DHX34: variants seen among roughly 807,000 people sequenced by gnomAD.
DHX34 encodes the protein probable ATP-dependent RNA helicase DHX34.
In DHX34, 96 loss-of-function variants were observed where a neutral mutation model predicts 111.1. The ratio of observed to expected loss-of-function variants is 0.86; its 90% CI spans 0.73 to 1.02. The LOEUF is 1.02. DHX34 is among the 50% of genes least tolerant of loss of function. The pLI, the probability that DHX34 is intolerant of heterozygous loss-of-function variation, is 0.00. For synonymous variants in DHX34, 688 were observed against 670.4 expected (o/e 1.03, Z -0.41); for missense variants, 1,560 against 1,579.9 (o/e 0.99, Z 0.21).
In DHX34 at chr19:47,353,804, T is replaced by C. The variant is rs1347740798; in HGVS notation, c.705+69T>C. ...TGGGGGAATAGGTTGCTTGTCCATA[T>C]GGCAGTATCAATAAAAATGAAGCAC... is the stretch of plus-strand genomic sequence containing the variant. On this transcript the variant is annotated intron_variant, in intron 2 of 16. Coordinates refer to ENST00000328771, the MANE Select transcript of DHX34 (RefSeq NM_014681.6). This position sits in a 1 kb window ranked among gnomAD's most constrained non-coding sequence, Gnocchi z 4.6. The C allele has an allele frequency of 3.5e-5, 48 of 1,363,406 alleles. No homozygotes were observed. Among genetic ancestry groups the C allele is most frequent in the Non-Finnish European group, 4.1e-5 (42 of 1,028,202 alleles). The allele number at this position is 1,363,406 out of a possible 1,614,324, so 84.5% of individuals were successfully genotyped here.
rs73940809 is a variant in DHX34 at position 47,356,086 on chromosome 19, G to C, written c.1017+736G>C. 2.3e-3 allele frequency among the ~76,000 whole-genome samples: 354 copies of C among 152,176 alleles called. 2 individuals carry two copies. The highest frequency in any genetic ancestry group is 8.3e-3 in the African/African-American group (343 of 41,512). On this transcript the variant is annotated intron_variant, in intron 3 of 16. Transcript: ENST00000328771. ...TGTCGTGGGGGCTGTCCTGTGCATT[G>C]TAGGATATCTAGCAGCATCCCTGGC... is the stretch of plus-strand genomic sequence containing the variant.
chr19:47,365,667 C>T (rs1034408657), intron 6 of DHX34, among the ~76,000 whole-genome samples: 1 of 152,214 alleles, frequency 6.6e-6, no homozygotes, highest in African/African-American at 2.4e-5. Flanking sequence ...CTAGTGCCCT[C>T]GGATCAAAGC....
At chr19:47,365,357 T>C (rs1969759798) in intron 6 of DHX34, among the ~76,000 whole-genome samples, 2 of 151,960 alleles carry the variant, frequency 1.3e-5, no homozygotes, top group Admixed American at 1.3e-4. Context: ...GCTCAAGTGG[T>C]TCTCCTGCCT....
At chr19:47,381,090 G>A (rs552137993) in intron 15 of DHX34, 96 bp from the exon 16 acceptor site, 1,094 of 1,561,712 alleles carry the variant, frequency 7.0e-4, no homozygotes, top group Non-Finnish European at 9.0e-4. Context: ...AGTGGGGCCC[G>A]TGGCCCTGAG....
At chr19:47,369,708 C>T (rs769085596) in intron 7 of DHX34, among the ~76,000 whole-genome samples, 1 of 152,082 alleles carries the variant, frequency 6.6e-6, no homozygotes, top group Non-Finnish European at 1.5e-5. Context: ...GACATCTGGG[C>T]AGAGGCCTGA....
In DHX34 at chr19:47,381,421, A is replaced by G. The variant is rs563222082; in HGVS notation, c.3298+97A>G. The G allele has an allele frequency of 2.7e-6, 4 of 1,493,612 alleles. No individual in the cohort carries two copies. In the African/African-American group the frequency reaches 4.2e-5, roughly 16 times the overall value. 92.5% of individuals were successfully genotyped at this position (1,493,612 alleles called of 1,614,324 possible). A position where few individuals can be genotyped will look rare whatever the true frequency, so the allele number is the denominator to read the frequency against. On this transcript the variant is annotated intron_variant, in intron 16 of 16. Transcript: ENST00000328771. ...CGTGTGAGCACTTGCTAGAGCTTCG[A>G]GGACTGACGACCTCCACCCGCTGGC...
intron 3 of DHX34, among the ~76,000 whole-genome samples, chr19:47,357,000 G>GT (rs906390373): frequency 2.6e-5 from 4 of 151,760 alleles, no homozygotes; most frequent in African/African-American, 4.8e-5. Context: ...TTTGTTTTTT[G>GT]TTTTTTTTAG....
intron 7 of DHX34, among the ~76,000 whole-genome samples, chr19:47,371,204 C>T (rs746174644): frequency 1.3e-5 from 2 of 152,146 alleles, no homozygotes; most frequent in African/African-American, 4.8e-5. Flanking sequence ...TGGCTTTGAT[C>T]GGAGGTGATG....
chr19:47,359,913 A>T, intron 4 of DHX34, 55 bp from the exon 5 acceptor site: 1 of 1,612,920 alleles, frequency 6.2e-7, no homozygotes, highest in Non-Finnish European at 8.5e-7. Context: ...AATTGGACAC[A>T]TAGGTTAGTC....
In DHX34 at chr19:47,359,760, C is replaced by T. The variant is rs1350743299; in HGVS notation, c.1273-208C>T. On this transcript the variant is annotated intron_variant, in intron 4 of 16. Transcript: ENST00000328771. ...TCACGCCACTGCACTCCAGCCTGGG[C>T]GACAGAGCAAGACTCCGTCTGAGGG... is the stretch of plus-strand genomic sequence containing the variant. 8.6e-6 allele frequency: 7 copies of T among 812,680 alleles called. No individual in the cohort carries two copies. The East Asian group carries it at 3.7e-4, about 44-fold the overall frequency. The allele number at this position is 812,680 out of a possible 1,614,324, so 50.3% of individuals were successfully genotyped here.
At chr19:47,374,294 A>G (rs932934480) in intron 9 of DHX34, among the ~76,000 whole-genome samples, 6 of 151,844 alleles carry the variant, frequency 4.0e-5, no homozygotes, top group Admixed American at 1.3e-4. Context: ...AAAATTAGCC[A>G]GGCATGGTGG....
chr19:47,376,523 A>G lies in DHX34; in HGVS notation c.2562A>G (p.Ala854=). 6.3e-7 allele frequency: 1 copy of G among 1,585,688 alleles called. No individual in the cohort carries two copies. Among genetic ancestry groups the G allele is most frequent in the Non-Finnish European group, 8.6e-7 (1 of 1,166,628 alleles). Reference sequence around the variant, plus strand: ...CTGGCAGCCCCGAGGTGCTGCACGCACAGGAGCTGGAGGCCAGCAACTGCG... The same window carrying G: ...CTGGCAGCCCCGAGGTGCTGCACGCGCAGGAGCTGGAGGCCAGCAACTGCG... The part of the protein sequence containing the change: ...VFAGSPEVLH[A]QELEASNCDG... The change falls in exon 12 of 17, where the codon GCA becomes GCG. Residue 854 remains alanine, a synonymous_variant. Transcript: ENST00000328771.
chr19:47,382,012 A>G lies in DHX34; in HGVS notation c.3331A>G (p.Lys1111Glu), dbSNP rs1393514772. 1.2e-6 allele frequency: 2 copies of G among 1,614,022 alleles called. No homozygotes were observed. The highest frequency in any genetic ancestry group is 1.7e-6 in the Non-Finnish European group (2 of 1,179,970). Reference protein sequence around the residue: ...AEEAALETLQKTSVLQRPYHC... With the variant: ...AEEAALETLQETSVLQRPYHC... Reference sequence around the variant, plus strand: ...GGAAGCTGCCCTCGAAACCCTCCAGAAGACATCTGTCCTGCAGAGGCCCTA... The same window carrying G: ...GGAAGCTGCCCTCGAAACCCTCCAGGAGACATCTGTCCTGCAGAGGCCCTA... The change falls in exon 17 of 17, where the codon AAG becomes GAG. Residue 1111 changes from lysine (K) to glutamate (E), a missense_variant. Coordinates refer to ENST00000328771, the MANE Select transcript of DHX34 (RefSeq NM_014681.6).
intron 4 of DHX34, 54 bp from the exon 5 acceptor site, chr19:47,359,914 T>C (rs1322095553): frequency 1.6e-5 from 26 of 1,612,738 alleles, no homozygotes; most frequent in Non-Finnish European, 2.0e-5. Context: ...ATTGGACACA[T>C]AGGTTAGTCG....
chr19:47,381,830 T>C lies in DHX34; in HGVS notation c.3299-150T>C, dbSNP rs1599781762. On this transcript the variant is annotated intron_variant, in intron 16 of 16. Coordinates refer to ENST00000328771, the MANE Select transcript of DHX34 (RefSeq NM_014681.6). ...GTAAAGACAGACCTGTGTATTTTTA[T>C]TAATCTGGGAGGGCTTCCTGGAGGA... is the stretch of plus-strand genomic sequence containing the variant. 2.7e-6 allele frequency: 4 copies of C among 1,468,894 alleles called. No homozygotes were observed. In the East Asian group the frequency reaches 1.0e-4, roughly 37 times the overall value. The allele number at this position is 1,468,894 out of a possible 1,614,324, so 91.0% of individuals were successfully genotyped here.
intron 4 of DHX34, among the ~76,000 whole-genome samples, chr19:47,359,246 G>C (rs982704725): frequency 2.0e-5 from 3 of 152,100 alleles, no homozygotes; most frequent in African/African-American, 7.2e-5. Flanking sequence ...AGGATCACTC[G>C]AGCTCAGGAG....
Position 47,373,593 on chromosome 19 carries a change from A to G in DHX34, c.1963-6A>G. 6.2e-7 allele frequency: 1 copy of G among 1,612,932 alleles called. No individual in the cohort carries two copies. The highest frequency in any genetic ancestry group is 8.5e-7 in the Non-Finnish European group (1 of 1,179,622). ...CTGACACCCTGGCGTCTGCTCCTCC[A>G]CCCAGGTGAAATCTGAACGGAGCAG... is the stretch of plus-strand genomic sequence containing the variant. On this transcript the variant is annotated splice_region_variant and splice_polypyrimidine_tract_variant and intron_variant, in intron 8 of 16. Transcript: ENST00000328771.
chr19:47,375,481 C>T lies in DHX34; in HGVS notation c.2080C>T (p.His694Tyr), dbSNP rs764616742. Residue 694 changes from histidine to tyrosine, a missense_variant, in exon 10 of 17, where the codon CAC (histidine) becomes TAC (tyrosine). By Grantham distance (83) the His-to-Tyr change is moderately conservative. Transcript: ENST00000328771. ...RRQFKELLEDHGLLAGAQAAQ... is the reference protein window; with the variant it reads ...RRQFKELLEDYGLLAGAQAAQ... ...CTGCCCCTAGGAGCTGTTGGAGGAC[C>T]ACGGGCTGCTGGCTGGGGCCCAGGC... is the stretch of plus-strand genomic sequence containing the variant. 6.3e-6 allele frequency: 10 copies of T among 1,581,568 alleles called. No individual in the cohort carries two copies. Among genetic ancestry groups the T allele is most frequent in the South Asian group, 2.3e-5 (2 of 87,886 alleles).
Position 47,362,708 on chromosome 19 carries a change from G to C in DHX34, c.1593+15G>C, listed in dbSNP as rs1313628029. ...TGGTGCTGCAGGTGAGGCATGGGCAGAAAGGGGACTATATCCTAACTGCTG... is the reference window on the plus strand; with the variant it reads ...TGGTGCTGCAGGTGAGGCATGGGCACAAAGGGGACTATATCCTAACTGCTG... On this transcript the variant is annotated intron_variant, in intron 6 of 16. Coordinates refer to ENST00000328771, the MANE Select transcript of DHX34 (RefSeq NM_014681.6). The C allele has an allele frequency of 1.2e-6, 2 of 1,600,976 alleles. No homozygotes were observed. The highest frequency in any genetic ancestry group is 1.3e-5 in the African/African-American group (1 of 74,352).
Sources: allele counts gnomAD v4.1 joint callset (sites outside exome capture counted in the v4.1 genomes callset), GRCh38; gene constraint gnomAD v4.1.1; non-coding constraint Gnocchi (gnomAD v3.1); transcripts MANE v1.5; gene names NCBI Gene and HGNC (gene_info 2026-07-23, HGNC 2026-07-21).